The following RTN4 variants were observed in gnomAD, a reference collection of about 807,000 sequenced individuals.
RTN4 encodes the protein reticulon 4.
RTN4 carries 32 observed loss-of-function variants against 90.4 expected under a neutral mutation model. That is an observed-to-expected ratio of 0.35 (90% CI 0.27 to 0.48). The LOEUF is 0.48. Among genes scored for constraint, RTN4 ranks in the 20% least tolerant of loss-of-function variants. RTN4 has a pLI of 0.99. For synonymous variants in RTN4, 629 were observed against 552.5 expected (o/e 1.14, Z -1.94); for missense variants, 1,706 against 1,430.2 (o/e 1.19, Z -3.11).
intron 3 of RTN4, among the ~76,000 whole-genome samples, chr2:55,002,900 TA>T (rs1363263319): frequency 1.3e-5 from 2 of 152,192 alleles, no homozygotes; most frequent in African/African-American, 4.8e-5. Flanking sequence ...AAGACCTGCA[TA>T]AATAGAAACC....
At chr2:54,984,677 G>A (rs1464096340) in intron 4 of RTN4, among the ~76,000 whole-genome samples, 2 of 152,120 alleles carry the variant, frequency 1.3e-5, no homozygotes, top group African/African-American at 2.4e-5. Flanking sequence ...AGTAACCACA[G>A]GTATTAGATA....
At chr2:54,976,189 A>G (rs1439668605) in intron 5 of RTN4, among the ~76,000 whole-genome samples, 1 of 152,226 alleles carries the variant, frequency 6.6e-6, no homozygotes, top group African/African-American at 2.4e-5. Context: ...ATGACAGAAG[A>G]TAGTAACAAA....
At chr2:55,007,761 G>A (rs1024333371) in intron 3 of RTN4, among the ~76,000 whole-genome samples, 2 of 152,084 alleles carry the variant, frequency 1.3e-5, no homozygotes, top group Non-Finnish European at 2.9e-5. Flanking sequence ...AGAGAAGTAT[G>A]AGGAAACCTA....
intron 1 of RTN4, among the ~76,000 whole-genome samples, chr2:55,094,248 G>C (rs1440460026): frequency 2.6e-5 from 4 of 152,192 alleles, no homozygotes; most frequent in African/African-American, 9.7e-5. Context: ...GAAGGCAGCT[G>C]TCTGCAAGCC....
upstream of RTN4, among the ~76,000 whole-genome samples, chr2:55,116,641 T>G (rs1413374258): frequency 1.3e-5 from 2 of 152,198 alleles, no homozygotes; most frequent in Admixed American, 1.3e-4. Flanking sequence ...GTACTATTAT[T>G]ATAATCTCCA....
intron 3 of RTN4, among the ~76,000 whole-genome samples, chr2:54,988,777 T>A (rs1429186404): frequency 6.6e-6 from 1 of 151,878 alleles, no homozygotes; most frequent in African/African-American, 2.4e-5. Context: ...TAGTAAGGAG[T>A]CAGACAAAGC....
intron 2 of RTN4, among the ~76,000 whole-genome samples, chr2:55,066,189 GTGTT>G (rs1314686528): frequency 0.014 from 942 of 65,940 alleles, 9 homozygotes; most frequent in African/African-American, 0.035. Flanking sequence ...GTGTGTGTGT[GTGTT>G]TGTGTGTGTG....
chr2:54,974,836 A>C lies in RTN4; in HGVS notation c.3361-72T>G. On this transcript the variant is annotated intron_variant, in intron 5 of 8. Transcript: ENST00000337526. ...GTTTCTTAATTATGCTTTCAAAAGC[A>C]TCCCATCTAAATGCCTACCTACAAA... The C allele has an allele frequency of 3.0e-6, 4 of 1,330,398 alleles. No homozygotes were observed. The South Asian group carries it at 3.6e-5, about 12-fold the overall frequency. 82.4% of individuals were successfully genotyped at this position (1,330,398 alleles called of 1,614,324 possible).
In RTN4 at chr2:55,102,396, A is replaced by G. The variant is rs1056347920; in HGVS notation, c.-214+10124T>C. Among the ~76,000 whole-genome samples the G allele has an allele frequency of 3.3e-5, 5 of 152,094 alleles. No homozygotes were observed. In the East Asian group the frequency reaches 7.7e-4, roughly 23 times the overall value. On this transcript the variant is annotated intron_variant, in intron 1 of 3. Transcript: ENST00000427710. The stretch of plus-strand genomic sequence containing the variant: ...ATGCTGTCTCTGCCAAAATGGCTCA[A>G]CTCTGTTGTTTTACGGCAAAACAGC...
intron 1 of RTN4, among the ~76,000 whole-genome samples, chr2:55,029,190 T>C (rs1321928824): frequency 2.6e-5 from 4 of 152,138 alleles, no homozygotes; most frequent in African/African-American, 2.4e-5. Context: ...TGGTCACCTA[T>C]AAGCCAGGAG....
At chr2:55,085,315 C>CCA (rs377061162) in intron 1 of RTN4, among the ~76,000 whole-genome samples, 157 of 144,768 alleles carry the variant, frequency 1.1e-3, no homozygotes, top group Non-Finnish European at 1.9e-3. Context: ...ACATATACAC[C>CCA]CACACACACA....
In RTN4 at chr2:55,025,823, T is replaced by C. The variant is rs143205997; in HGVS notation, c.2276A>G (p.Lys759Arg). ...SDDSIPDVPQ[K>R]QDETVMLVKE... ...CACAAGCATCACAGTTTCATCTTGTTTTTGTGGAACGTCAGGTATTGAATC... is the reference window on the plus strand; with the variant it reads ...CACAAGCATCACAGTTTCATCTTGTCTTTGTGGAACGTCAGGTATTGAATC... The change falls in exon 3 of 9, where the codon AAA becomes AGA. Residue 759 changes from lysine (K) to arginine (R), a missense_variant. Coordinates refer to ENST00000337526, the MANE Select transcript of RTN4 (RefSeq NM_020532.5). The C allele has an allele frequency of 4.3e-6, 7 of 1,613,680 alleles. No individual in the cohort carries two copies. In the African/African-American group the frequency reaches 6.7e-5, roughly 15 times the overall value.
intron 3 of RTN4, among the ~76,000 whole-genome samples, chr2:55,001,868 A>G (rs377143704): frequency 2.0e-5 from 3 of 152,208 alleles, no homozygotes; most frequent in Non-Finnish European, 4.4e-5. Context: ...GTGCTAGTAT[A>G]CAATTTTGTG....
intron 1 of RTN4, among the ~76,000 whole-genome samples, chr2:55,036,724 C>A (rs906558809): frequency 6.6e-6 from 1 of 151,496 alleles, no homozygotes; most frequent in Admixed American, 6.6e-5. Context: ...CAACAAATGT[C>A]AAAAACTTAT....
chr2:55,023,756 A>C (rs1681618134), intron 3 of RTN4, among the ~76,000 whole-genome samples: 2 of 152,172 alleles, frequency 1.3e-5, no homozygotes, highest in African/African-American at 4.8e-5. Flanking sequence ...CACTTACTCA[A>C]GTCTCATTCA....
chr2:55,119,157 G>T, the RTN4 span, among the ~76,000 whole-genome samples: 4 of 152,142 alleles, frequency 2.6e-5, no homozygotes, highest in Non-Finnish European at 5.9e-5. Context: ...GAATCCTTGC[G>T]GGTTTTTTGG....
chr2:54,987,401 G>A, intron 4 of RTN4, 90 bp downstream of exon 4: 1 of 963,270 alleles, frequency 1.0e-6, no homozygotes, highest in Non-Finnish European at 1.7e-6. Context: ...AAAAATGCAT[G>A]CTTGTAACTC....
chr2:55,072,310 A>G (rs1374776635), intron 2 of RTN4, among the ~76,000 whole-genome samples: 1 of 151,834 alleles, frequency 6.6e-6, no homozygotes, highest in Admixed American at 6.6e-5. Context: ...GCTCACTGCA[A>G]GCTCCACCTC....
upstream of RTN4, among the ~76,000 whole-genome samples, chr2:55,053,010 A>C (rs1668124937): frequency 6.6e-6 from 1 of 152,252 alleles, no homozygotes. Context: ...AAAGTTTCAC[A>C]AAAGAATAAT....
Sources: gnomAD v4.1 joint callset for allele counts (sites outside exome capture counted in the v4.1 genomes callset) on GRCh38, gnomAD v4.1.1 for gene constraint, MANE v1.5 for transcripts, NCBI Gene and HGNC (gene_info 2026-07-23, HGNC 2026-07-21) for gene names.